Variants in PPP3CA observed in about 807,000 individuals in gnomAD.
The protein encoded by PPP3CA is CAM-PRP catalytic subunit.
Under a neutral mutation model 66.5 loss-of-function variants are expected in PPP3CA, and 14 were observed. The ratio of observed to expected loss-of-function variants is 0.21; its 90% CI spans 0.14 to 0.33. PPP3CA has a LOEUF of 0.33. PPP3CA is among the 10% of genes least tolerant of loss of function. The probability of loss-of-function intolerance (pLI) is 1.00; values close to 1 mark genes in which losing one functional copy is unlikely to be tolerated. For missense variants in PPP3CA, 317 were observed against 639.5 expected (o/e 0.50, Z 5.44); for synonymous variants, 232 against 226.2 (o/e 1.03, Z -0.23).
chr4:101,245,161 A>G (rs1340577900), intron 1 of PPP3CA, among the ~76,000 whole-genome samples: 1 of 152,164 alleles, frequency 6.6e-6, no homozygotes, highest in Non-Finnish European at 1.5e-5. Context: ...ACAAAGGACA[A>G]GGCTCACAGA....
At chr4:101,125,878 G>A (rs1722228537) in intron 2 of PPP3CA, among the ~76,000 whole-genome samples, 1 of 152,216 alleles carries the variant, frequency 6.6e-6, no homozygotes, top group South Asian at 2.1e-4. Context: ...TAGTTTATCT[G>A]AAGCCATTCT....
At chr4:101,055,281 C>A (rs961871437) in intron 10 of PPP3CA, among the ~76,000 whole-genome samples, 1 of 152,050 alleles carries the variant, frequency 6.6e-6, no homozygotes, top group African/African-American at 2.4e-5. Context: ...ACTTACTAAA[C>A]CTTGGTCTGA....
intron 1 of PPP3CA, among the ~76,000 whole-genome samples, chr4:101,339,723 A>G (rs1383845955): frequency 6.6e-6 from 1 of 152,244 alleles, no homozygotes; most frequent in Admixed American, 6.5e-5. Context: ...GCATTTAATA[A>G]GCAAGGCATT....
Position 101,115,038 on chromosome 4 carries a change from G to A in PPP3CA, c.260-5960C>T, listed in dbSNP as rs1262168662. Among the ~76,000 whole-genome samples, 13 of 151,998 alleles carry A rather than the reference G, an allele frequency of 8.6e-5. 1 individual carries two copies. The highest frequency in any genetic ancestry group is 7.9e-4 in the Admixed American group (12 of 15,214). On this transcript the variant is annotated intron_variant, in intron 2 of 13. Transcript: ENST00000394854. ...GGAGGAATTCAGAGACTAATGGGTG[G>A]TGTGGTAGTCCAGGAGTCATTAAAC... is the stretch of plus-strand genomic sequence containing the variant.
chr4:101,346,975 C>T lies in PPP3CA; in HGVS notation c.-179G>A, dbSNP rs1212672449. 6 of 676,814 alleles carry T rather than the reference C, an allele frequency of 8.9e-6. No homozygotes were observed. The Admixed American group carries it at 1.6e-4, about 19-fold the overall frequency. 41.9% of individuals were successfully genotyped at this position (676,814 alleles called of 1,614,324 possible). ...AAGTTGCTGCCTTTTCCGCGCGTCCCTCCTCCGCCGCCGCCGCCTTCACTC... is the reference window on the plus strand; with the variant it reads ...AAGTTGCTGCCTTTTCCGCGCGTCCTTCCTCCGCCGCCGCCGCCTTCACTC... On this transcript the variant is annotated 5_prime_UTR_variant, in exon 1 of 14. Coordinates refer to ENST00000394854, the MANE Select transcript of PPP3CA (RefSeq NM_000944.5).
intron 10 of PPP3CA, among the ~76,000 whole-genome samples, chr4:101,045,452 C>A (rs1372353012): frequency 1.3e-5 from 2 of 152,128 alleles, no homozygotes; most frequent in Non-Finnish European, 1.5e-5. Flanking sequence ...CCTGGGAGGA[C>A]AGGTGCAAAC....
chr4:101,222,804 CAT>C (rs1440790130), intron 1 of PPP3CA, among the ~76,000 whole-genome samples: 1 of 151,614 alleles, frequency 6.6e-6, no homozygotes, highest in Admixed American at 6.6e-5. Context: ...CCTATGTAAA[CAT>C]ATTCATTTTT....
chr4:101,334,028 T>C (rs1013551833), intron 1 of PPP3CA, among the ~76,000 whole-genome samples: 2 of 152,138 alleles, frequency 1.3e-5, no homozygotes, highest in Non-Finnish European at 2.9e-5. Context: ...GCTTAATAAG[T>C]AGAAGCAGTA....
chr4:101,265,273 AT>A (rs1044471296), intron 1 of PPP3CA, among the ~76,000 whole-genome samples: 1 of 151,160 alleles, frequency 6.6e-6, no homozygotes, highest in African/African-American at 2.4e-5. Flanking sequence ...TCTTTTATTT[AT>A]TTTTTTTATT....
At chr4:101,229,614 A>G (rs913440339) in intron 1 of PPP3CA, among the ~76,000 whole-genome samples, 7 of 151,428 alleles carry the variant, frequency 4.6e-5, no homozygotes, top group Non-Finnish European at 8.9e-5. Context: ...GCAGTATGGT[A>G]TTGGGTGAAA....
intron 1 of PPP3CA, among the ~76,000 whole-genome samples, chr4:101,231,229 ACTGAGAG>A (rs924369768): frequency 4.0e-5 from 6 of 151,694 alleles, no homozygotes; most frequent in African/African-American, 1.5e-4. Context: ...ACTGGAGACA[ACTGAGAG>A]CTTTCCTCTA....
At chr4:101,238,475 C>T (rs1156676622) in intron 1 of PPP3CA, among the ~76,000 whole-genome samples, 1 of 151,484 alleles carries the variant, frequency 6.6e-6, no homozygotes, top group Non-Finnish European at 1.5e-5. Flanking sequence ...TTATCTTCAT[C>T]ATACAAAGCT....
At chr4:101,345,326 C>G (rs1219316282) in intron 1 of PPP3CA, among the ~76,000 whole-genome samples, 1 of 152,190 alleles carries the variant, frequency 6.6e-6, no homozygotes, top group African/African-American at 2.4e-5. Flanking sequence ...AGAATCATTT[C>G]TGAAACCCCA....
At chr4:101,110,661 T>C (rs926447805) in intron 2 of PPP3CA, among the ~76,000 whole-genome samples, 1 of 152,212 alleles carries the variant, frequency 6.6e-6, no homozygotes, top group African/African-American at 2.4e-5. Flanking sequence ...TTTTAAAACA[T>C]AGTTTATAAA....
At chr4:101,124,253 A>G (rs1241001763) in intron 2 of PPP3CA, among the ~76,000 whole-genome samples, 1 of 152,138 alleles carries the variant, frequency 6.6e-6, no homozygotes, top group East Asian at 1.9e-4. Context: ...CTTTTCACAC[A>G]ATATGACCAA....
intron 2 of PPP3CA, 37 bp from the exon 3 acceptor site, chr4:101,109,115 G>T (rs1379613121): frequency 2.2e-5 from 34 of 1,575,532 alleles, no homozygotes; most frequent in Non-Finnish European, 2.9e-5. Flanking sequence ...GTCATATTAT[G>T]TTAGGACTTT....
At chr4:101,034,870 C>T (rs997147938) in intron 11 of PPP3CA, among the ~76,000 whole-genome samples, 6 of 152,080 alleles carry the variant, frequency 3.9e-5, no homozygotes, top group African/African-American at 1.2e-4. Context: ...CTCTAAAGAA[C>T]GAACACAATT....
chr4:101,059,065 G>A (rs539889341), intron 10 of PPP3CA, among the ~76,000 whole-genome samples: 244 of 152,164 alleles, frequency 1.6e-3, no homozygotes, highest in Non-Finnish European at 2.6e-3. Context: ...GGAATATAGT[G>A]AAAGGTACAT....
At chr4:101,036,051 G>GT (rs1379494377) in intron 11 of PPP3CA, among the ~76,000 whole-genome samples, 2 of 152,154 alleles carry the variant, frequency 1.3e-5, no homozygotes, top group African/African-American at 2.4e-5. Context: ...AAGATGTGCT[G>GT]TAAGTGTAAA....
Sources: allele counts gnomAD v4.1 joint callset (sites outside exome capture counted in the v4.1 genomes callset), GRCh38; gene constraint gnomAD v4.1.1; transcripts MANE v1.5; gene names NCBI Gene and HGNC (gene_info 2026-07-23, HGNC 2026-07-21).